DCDC2: variants seen among roughly 807,000 people sequenced by gnomAD.
DCDC2 encodes doublecortin domain-containing protein 2.
A neutral mutation model predicts 50.2 loss-of-function variants in DCDC2; 40 were observed. The ratio of observed to expected loss-of-function variants is 0.80; its 90% CI spans 0.62 to 1.04. DCDC2 has a LOEUF of 1.04. Ranked by LOEUF, DCDC2 falls within the 50% of genes least tolerant of loss-of-function variation. The pLI, the probability that DCDC2 is intolerant of heterozygous loss-of-function variation, is 0.00. For synonymous variants in DCDC2, 234 were observed against 210.6 expected (o/e 1.11, Z -0.96); for missense variants, 570 against 581.9 (o/e 0.98, Z 0.21).
At chr6:24,200,935 G>T (rs879322932) in intron 8 of DCDC2, among the ~76,000 whole-genome samples, 1 of 151,902 alleles carries the variant, frequency 6.6e-6, no homozygotes, top group Admixed American at 6.6e-5. Flanking sequence ...ATTGTAAAGG[G>T]ATCAATTCAA....
At chr6:24,272,026 C>T (rs1480888557) in intron 7 of DCDC2, among the ~76,000 whole-genome samples, 1 of 152,130 alleles carries the variant, frequency 6.6e-6, no homozygotes, top group Non-Finnish European at 1.5e-5. Flanking sequence ...AAGAATGCTT[C>T]CCTCATGGCT....
chr6:24,200,844 C>A (rs569300647), intron 8 of DCDC2, among the ~76,000 whole-genome samples: 34 of 150,002 alleles, frequency 2.3e-4, no homozygotes, highest in South Asian at 2.1e-4. Flanking sequence ...AAAAAAAAAA[C>A]CAGGGGTTGC....
intron 7 of DCDC2, among the ~76,000 whole-genome samples, chr6:24,256,216 T>C (rs1762894245): frequency 6.6e-6 from 1 of 151,638 alleles, no homozygotes; most frequent in African/African-American, 2.4e-5. Context: ...CAAGGTTTTC[T>C]TCCTGGGGTG....
chr6:24,278,641 C>T (rs807724), intron 6 of DCDC2, among the ~76,000 whole-genome samples: 108,378 of 152,030 alleles, frequency 0.71, 40,307 homozygotes, highest in East Asian at 0.95. Context: ...CCTCCAAAAC[C>T]ACTGTAAATC....
intron 7 of DCDC2, among the ~76,000 whole-genome samples, chr6:24,211,001 A>G (rs1761856005): frequency 6.6e-6 from 1 of 152,198 alleles, no homozygotes; most frequent in Admixed American, 6.5e-5. Flanking sequence ...CGTCAGCCAG[A>G]TCTCAGGAAA....
intron 2 of DCDC2, among the ~76,000 whole-genome samples, chr6:24,348,934 G>T (rs567596665): frequency 2.0e-5 from 3 of 152,316 alleles, no homozygotes; most frequent in Admixed American, 6.5e-5. Context: ...GTGCTCCAAA[G>T]TCAAGCTGCC....
At chr6:24,204,949 GA>G (rs3834726) in intron 8 of DCDC2, 52 bp downstream of exon 8, 11 of 1,531,008 alleles carry the variant, frequency 7.2e-6, no homozygotes, top group African/African-American at 2.8e-5. Context: ...ACAAAACTTG[GA>G]AAAAAAACAC....
At chr6:24,237,320 T>C (rs909143384) in intron 7 of DCDC2, among the ~76,000 whole-genome samples, 5 of 152,196 alleles carry the variant, frequency 3.3e-5, no homozygotes, top group Non-Finnish European at 2.9e-5. Context: ...CCCGTGACAC[T>C]TGGTTTACCT....
rs552648402 is a variant in DCDC2 at position 24,274,764 on chromosome 6, AAT to A, written c.922+3283_922+3284del. Among the ~76,000 whole-genome samples the A allele has an allele frequency of 3.4e-3, 524 of 152,184 alleles. 2 individuals are homozygous for A. Among genetic ancestry groups the A allele is most frequent in the Non-Finnish European group, 5.5e-3 (374 of 67,984 alleles). On this transcript the variant is annotated intron_variant, in intron 7 of 9. Coordinates refer to ENST00000378454, the MANE Select transcript of DCDC2 (RefSeq NM_016356.5). Reference sequence around the variant, plus strand: ...AGATATTTTTAAAAAATAACGAAAAAATATGTGACTACAATTTTAATTATTAA... The same window carrying A: ...AGATATTTTTAAAAAATAACGAAAAAATGTGACTACAATTTTAATTATTAA...
intron 2 of DCDC2, among the ~76,000 whole-genome samples, chr6:24,330,261 C>T (rs770882247): frequency 6.6e-6 from 1 of 152,106 alleles, no homozygotes; most frequent in Non-Finnish European, 1.5e-5. Flanking sequence ...CTTGTTGTGG[C>T]AATTACGTTT....
At chr6:24,281,881 T>C (rs909536444) in intron 6 of DCDC2, among the ~76,000 whole-genome samples, 3 of 152,212 alleles carry the variant, frequency 2.0e-5, no homozygotes, top group Non-Finnish European at 2.9e-5. Flanking sequence ...AGATAAGTAT[T>C]ATTATCACCA....
At chr6:24,237,435 T>C (rs1165983566) in intron 7 of DCDC2, among the ~76,000 whole-genome samples, 1 of 151,894 alleles carries the variant, frequency 6.6e-6, no homozygotes, top group African/African-American at 2.4e-5. Flanking sequence ...CGTTGTGAGG[T>C]TGTGGAAAAA....
rs530325600 is a variant in DCDC2, at chr6:24,254,040, TTTTG to T, written c.922+24005_922+24008del. ...ATTCTATAAGCTTTTTCTATTTAAG[TTTTG>T]TTTAATTTTTAAACCTTTTCGTTAA... is the stretch of plus-strand genomic sequence containing the variant. On this transcript the variant is annotated intron_variant, in intron 7 of 9. Coordinates refer to ENST00000378454, the MANE Select transcript of DCDC2 (RefSeq NM_016356.5). Among the ~76,000 whole-genome samples the T allele has an allele frequency of 4.2e-3, 633 of 152,278 alleles. 1 individual carries two copies. The highest frequency in any genetic ancestry group is 5.8e-3 in the Non-Finnish European group (391 of 67,992).
chr6:24,351,277 T>G (rs1760365380), intron 2 of DCDC2, among the ~76,000 whole-genome samples: 1 of 152,132 alleles, frequency 6.6e-6, no homozygotes, highest in Non-Finnish European at 1.5e-5. Context: ...GAGGAAGGTA[T>G]CTCCGGACTG....
chr6:24,212,851 G>A (rs1432450718), intron 7 of DCDC2, among the ~76,000 whole-genome samples: 1 of 152,142 alleles, frequency 6.6e-6, no homozygotes. Flanking sequence ...AGCTGCTGAG[G>A]TAGGGAAGTC....
At chr6:24,182,482 T>C (rs910036797) in intron 8 of DCDC2, among the ~76,000 whole-genome samples, 1 of 151,996 alleles carries the variant, frequency 6.6e-6, no homozygotes, top group African/African-American at 2.4e-5. Flanking sequence ...CATTCAAAAA[T>C]GTGCGAAGTA....
intron 8 of DCDC2, among the ~76,000 whole-genome samples, chr6:24,191,518 T>G (rs772915169): frequency 2.0e-5 from 3 of 152,176 alleles, no homozygotes; most frequent in Non-Finnish European, 4.4e-5. Flanking sequence ...ATGATAGGCA[T>G]AGGGAGTGCT....
At chr6:24,372,659 C>T in the DCDC2 span, among the ~76,000 whole-genome samples, 21 of 152,016 alleles carry the variant, frequency 1.4e-4, no homozygotes, top group African/African-American at 3.1e-4. Flanking sequence ...AGCAAACTAT[C>T]GCAAGGACAA....
chr6:24,203,887 A>G (rs1216885025), intron 8 of DCDC2, among the ~76,000 whole-genome samples: 1 of 152,210 alleles, frequency 6.6e-6, no homozygotes, highest in Non-Finnish European at 1.5e-5. Flanking sequence ...ATAAGAAAAA[A>G]CGCTCATCAT....
Sources: allele counts gnomAD v4.1 joint callset (sites outside exome capture counted in the v4.1 genomes callset), GRCh38; gene constraint gnomAD v4.1.1; transcripts MANE v1.5; gene names NCBI Gene and HGNC (gene_info 2026-07-23, HGNC 2026-07-21).